CCDC60: variants seen among roughly 807,000 people sequenced by gnomAD.
CCDC60 encodes coiled-coil domain containing 60.
CCDC60 carries 54 observed loss-of-function variants against 63.5 expected under a neutral mutation model. The observed-to-expected ratio is 0.85, with a 90% CI of 0.68 to 1.07. The LOEUF (loss-of-function observed/expected upper bound fraction) is 1.07, where lower values mean the gene tolerates loss of function less well. CCDC60 is among the 50% of genes least tolerant of loss of function. CCDC60 has a pLI of 0.00. For synonymous variants in CCDC60, 206 were observed against 238.8 expected (o/e 0.86, Z 1.27); for missense variants, 651 against 684.3 (o/e 0.95, Z 0.54).
chr12:119,420,013 A>G lies in CCDC60; in HGVS notation c.91-8670A>G. 6.6e-6 allele frequency among the ~76,000 whole-genome samples: 1 copy of G among 151,202 alleles called. No individual in the cohort carries two copies. Among genetic ancestry groups the G allele is most frequent in the Non-Finnish European group, 1.5e-5 (1 of 67,926 alleles). On this transcript the variant is annotated intron_variant, in intron 1 of 13. Transcript: ENST00000327554. This position sits in a 1 kb window ranked among gnomAD's most constrained non-coding sequence, Gnocchi z 4.1. ...TGCCTCAGCCTCCCGAGTAGCTGGG[A>G]CTACAGGCACCCACCACCACACCTG...
intron 2 of CCDC60, among the ~76,000 whole-genome samples, chr12:119,450,079 C>G (rs1481581252): frequency 1.3e-5 from 2 of 152,030 alleles, no homozygotes; most frequent in South Asian, 4.1e-4. Flanking sequence ...TACTACTTAG[C>G]CATAAAAAAG....
chr12:119,443,406 G>T (rs1190687030), intron 2 of CCDC60, among the ~76,000 whole-genome samples: 1 of 152,122 alleles, frequency 6.6e-6, no homozygotes, highest in African/African-American at 2.4e-5. Flanking sequence ...ATATTAAAAA[G>T]CCAGAAATCT....
chr12:119,358,072 T>C lies in CCDC60; in HGVS notation c.90+22806T>C, dbSNP rs1955736083. ...CAGATCTCATGAGCACTCACTATCATGAGGACAGTACCAAGGGGGATGGTG... is the reference window on the plus strand; with the variant it reads ...CAGATCTCATGAGCACTCACTATCACGAGGACAGTACCAAGGGGGATGGTG... On this transcript the variant is annotated intron_variant, in intron 1 of 13. Transcript: ENST00000327554. Among the ~76,000 whole-genome samples, 9 of 152,124 alleles carry C rather than the reference T, an allele frequency of 5.9e-5. No homozygotes were observed. The South Asian group carries it at 1.9e-3, about 32-fold the overall frequency.
At chr12:119,394,257 C>T (rs73406207) in intron 1 of CCDC60, among the ~76,000 whole-genome samples, 16 of 152,336 alleles carry the variant, frequency 1.1e-4, no homozygotes, top group African/African-American at 3.8e-4. Context: ...CACTGGGAAG[C>T]AGAAGCTTGA....
At chr12:119,442,509 A>T (rs1950467542) in intron 2 of CCDC60, among the ~76,000 whole-genome samples, 1 of 152,210 alleles carries the variant, frequency 6.6e-6, no homozygotes, top group Non-Finnish European at 1.5e-5. Context: ...TAATCATATC[A>T]TAGCCAATCT....
intron 1 of CCDC60, among the ~76,000 whole-genome samples, chr12:119,400,241 G>T (rs1228526242): frequency 6.6e-6 from 1 of 152,154 alleles, no homozygotes; most frequent in African/African-American, 2.4e-5. Context: ...AGTAAAGACG[G>T]GGTTTCACCG....
At chr12:119,363,667 T>A (rs1028786397) in intron 1 of CCDC60, among the ~76,000 whole-genome samples, 1 of 152,236 alleles carries the variant, frequency 6.6e-6, no homozygotes, top group Non-Finnish European at 1.5e-5. Flanking sequence ...TGTTCTATTC[T>A]GTGGGTACTT....
At chr12:119,396,345 A>G (rs2136209418) in intron 1 of CCDC60, among the ~76,000 whole-genome samples, 1 of 152,326 alleles carries the variant, frequency 6.6e-6, no homozygotes, top group Admixed American at 6.5e-5. Flanking sequence ...ATAAGGTCCC[A>G]TTCTGGGTGG....
intron 1 of CCDC60, among the ~76,000 whole-genome samples, chr12:119,387,337 G>A (rs146635324): frequency 2.0e-5 from 3 of 152,240 alleles, no homozygotes; most frequent in East Asian, 1.9e-4. Flanking sequence ...TGTCTTGCAC[G>A]GTTTGAACAA....
intron 1 of CCDC60, among the ~76,000 whole-genome samples, chr12:119,357,458 CT>C (rs138138187): frequency 0.22 from 32,165 of 146,244 alleles, 4,144 homozygotes; most frequent in Middle Eastern, 0.34. Context: ...ATGAGATCAG[CT>C]TTTTTTTTTT....
chr12:119,528,769 A>G, intron 12 of CCDC60, 23 bp downstream of exon 12: 1 of 1,608,686 alleles, frequency 6.2e-7, no homozygotes, highest in African/African-American at 1.3e-5. Flanking sequence ...AGAACCAGAT[A>G]AGATGGTCCC....
chr12:119,337,762 G>A (rs1770803338), intron 1 of CCDC60, among the ~76,000 whole-genome samples: 1 of 151,578 alleles, frequency 6.6e-6, no homozygotes, highest in South Asian at 2.1e-4. Flanking sequence ...AGTATCAGAG[G>A]GTGTTGTGGG....
chr12:119,414,112 G>A (rs1339542106), intron 1 of CCDC60, among the ~76,000 whole-genome samples: 1 of 151,994 alleles, frequency 6.6e-6, no homozygotes, highest in African/African-American at 2.4e-5. Flanking sequence ...CCTGCCTCCT[G>A]GGTTCAAGCG....
chr12:119,370,988 T>C (rs540576298), intron 1 of CCDC60, among the ~76,000 whole-genome samples: 1 of 152,210 alleles, frequency 6.6e-6, no homozygotes, highest in African/African-American at 2.4e-5. Context: ...GCCATGACCA[T>C]AGCACTGCAC....
Position 119,530,967 on chromosome 12 carries a change from C to A in CCDC60, c.1455C>A (p.Asn485Lys). The A allele has an allele frequency of 6.2e-7, 1 of 1,614,174 alleles. No individual in the cohort carries two copies. Among genetic ancestry groups the A allele is most frequent in the Non-Finnish European group, 8.5e-7 (1 of 1,180,016 alleles). Reference protein sequence around the residue: ...ILVKLQKFGENLDLRIRPHVL... With the variant: ...ILVKLQKFGEKLDLRIRPHVL... ...TGAAACTGCAGAAGTTTGGAGAAAA[C>A]CTGGACTTGCGGATTCGACCCCATG... The change falls in exon 13 of 14, where the codon AAC (asparagine) becomes AAA (lysine). Residue 485 changes from asparagine to lysine, a missense_variant. Coordinates refer to ENST00000327554, the MANE Select transcript of CCDC60 (RefSeq NM_178499.5).
At chr12:119,452,757 G>C (rs1451042423) in intron 2 of CCDC60, among the ~76,000 whole-genome samples, 1 of 152,128 alleles carries the variant, frequency 6.6e-6, no homozygotes, top group Admixed American at 6.6e-5. Flanking sequence ...AGTGGTTCAT[G>C]AATCTGTCTA....
At chr12:119,347,912 C>T (rs762737155) in intron 1 of CCDC60, among the ~76,000 whole-genome samples, 1 of 152,136 alleles carries the variant, frequency 6.6e-6, no homozygotes, top group South Asian at 2.1e-4. Flanking sequence ...CAATGGCTCC[C>T]AAATATCAAG....
chr12:119,482,009 A>ATATATATATATGTATATATAG (rs1951333654), intron 4 of CCDC60, among the ~76,000 whole-genome samples: 1 of 40,636 alleles, frequency 2.5e-5, no homozygotes, highest in African/African-American at 5.9e-5. Flanking sequence ...TATATATAGT[A>ATATATATATATGTATATATAG]TATATATATG....
chr12:119,539,960 C>G (rs1953110620), intron 13 of CCDC60, among the ~76,000 whole-genome samples: 2 of 152,206 alleles, frequency 1.3e-5, no homozygotes, highest in Non-Finnish European at 2.9e-5. Context: ...CCTTGTGCTT[C>G]CTGGGTGAGG....
Sources: gnomAD v4.1 joint callset for allele counts (sites outside exome capture counted in the v4.1 genomes callset) on GRCh38, gnomAD v4.1.1 for gene constraint, Gnocchi (gnomAD v3.1) non-coding constraint, MANE v1.5 for transcripts, NCBI Gene and HGNC (gene_info 2026-07-23, HGNC 2026-07-21) for gene names.